The following UBTD2 variants were observed in gnomAD, a reference collection of about 807,000 sequenced individuals.
UBTD2 encodes the protein ubiquitin domain containing 2.
In UBTD2, 9 loss-of-function variants were observed where a neutral mutation model predicts 19.8. The observed-to-expected ratio is 0.46, with a 90% CI of 0.27 to 0.79. UBTD2 has a LOEUF of 0.79. UBTD2 is among the 30% of genes least tolerant of loss of function. UBTD2 has a pLI of 0.14. For missense variants in UBTD2, 250 were observed against 300.4 expected (o/e 0.83, Z 1.24); for synonymous variants, 98 against 103.9 (o/e 0.94, Z 0.35).
At chr5:172,284,024 C>T (rs911315687), upstream of UBTD2, 3 of 149,344 alleles carry the variant, frequency 2.0e-5, no homozygotes, top group African/African-American at 7.3e-5. Context: ...AGCCCCGCGC[C>T]GGCGCCTCGC....
At chr5:172,241,878 G>A (rs2113031862) in intron 1 of UBTD2, among the ~76,000 whole-genome samples, 1 of 152,278 alleles carries the variant, frequency 6.6e-6, no homozygotes, top group South Asian at 2.1e-4. Flanking sequence ...AATTAGCTGG[G>A]TGTAGTTGTA....
In UBTD2 at chr5:172,277,345, T is replaced by C. The variant is rs146336638; in HGVS notation, c.70+6251A>G. ...TATACATCAGTGAAAGGTTACTTTA[T>C]ATTTAAAACTGAAACTAGAAGCACA... On this transcript the variant is annotated intron_variant, in intron 1 of 2. Coordinates refer to ENST00000393792, the MANE Select transcript of UBTD2 (RefSeq NM_152277.3). Among the ~76,000 whole-genome samples, 219 of 152,236 alleles carry C rather than the reference T, an allele frequency of 1.4e-3. 2 individuals carry two copies. The Middle Eastern group carries it at 0.031, about 21-fold the overall frequency.
At chr5:172,220,417 C>T (rs1191592414) in intron 2 of UBTD2, among the ~76,000 whole-genome samples, 7 of 152,162 alleles carry the variant, frequency 4.6e-5, no homozygotes, top group African/African-American at 7.2e-5. Context: ...GGGTGGATCC[C>T]CTGAGGTGGG....
intron 1 of UBTD2, among the ~76,000 whole-genome samples, chr5:172,249,401 GAAAAAAAAAAAAA>G (rs756803780): frequency 2.4e-4 from 15 of 63,304 alleles, no homozygotes; most frequent in African/African-American, 7.7e-4. Flanking sequence ...TCCGTCTCAT[GAAAAAAAAAAAAA>G]AAAAAAAAAA....
intron 1 of UBTD2, among the ~76,000 whole-genome samples, chr5:172,242,899 G>A (rs1220590860): frequency 6.6e-6 from 1 of 152,096 alleles, no homozygotes; most frequent in African/African-American, 2.4e-5. Flanking sequence ...TCCCTTTTTA[G>A]TAGTAGTAAG....
intron 1 of UBTD2, among the ~76,000 whole-genome samples, chr5:172,265,128 G>T (rs1490229749): frequency 6.6e-6 from 1 of 152,164 alleles, no homozygotes; most frequent in Non-Finnish European, 1.5e-5. Flanking sequence ...TGCTAAGGAT[G>T]ACAGAATAAA....
At chr5:172,265,067 T>C (rs1755347632) in intron 1 of UBTD2, among the ~76,000 whole-genome samples, 1 of 152,240 alleles carries the variant, frequency 6.6e-6, no homozygotes, top group Admixed American at 6.5e-5. Flanking sequence ...AGGCTATACA[T>C]GCAATTAATA....
At chr5:172,259,851 C>T (rs1464826653) in intron 1 of UBTD2, among the ~76,000 whole-genome samples, 3 of 151,934 alleles carry the variant, frequency 2.0e-5, no homozygotes, top group South Asian at 2.1e-4. Context: ...GTCAGGAGTT[C>T]GATACCAGCC....
chr5:172,263,160 A>G (rs1398821741), intron 1 of UBTD2, among the ~76,000 whole-genome samples: 5 of 152,024 alleles, frequency 3.3e-5, no homozygotes, highest in African/African-American at 1.2e-4. Context: ...TGAACTCCTG[A>G]GCTCAAGCAA....
chr5:172,216,835 G>A (rs1203066826), intron 2 of UBTD2, among the ~76,000 whole-genome samples: 1 of 151,868 alleles, frequency 6.6e-6, no homozygotes, highest in Non-Finnish European at 1.5e-5. Context: ...GTGTGGTGGT[G>A]TGTGCCTGTA....
Position 172,229,221 on chromosome 5 carries a change from C to T in UBTD2, c.307+4901G>A, listed in dbSNP as rs561774322. On this transcript the variant is annotated intron_variant, in intron 2 of 2. Coordinates refer to ENST00000393792, the MANE Select transcript of UBTD2 (RefSeq NM_152277.3). ...AGGAGGTTAAGAGGAGAGCTTTTGGCCGGGCGCGGTGGCTCACGCCTGTAA... is the reference window on the plus strand; with the variant it reads ...AGGAGGTTAAGAGGAGAGCTTTTGGTCGGGCGCGGTGGCTCACGCCTGTAA... Among the ~76,000 whole-genome samples the T allele has an allele frequency of 5.3e-5, 8 of 151,734 alleles. No individual in the cohort carries two copies. In the South Asian group the frequency reaches 1.5e-3, roughly 28 times the overall value.
chr5:172,215,001 G>A (rs1439368048), intron 2 of UBTD2, among the ~76,000 whole-genome samples: 1 of 152,170 alleles, frequency 6.6e-6, no homozygotes, highest in Non-Finnish European at 1.5e-5. Flanking sequence ...GAGACAGGCA[G>A]GGTAATACAG....
At chr5:172,229,776 G>T (rs1232908770) in intron 2 of UBTD2, among the ~76,000 whole-genome samples, 1 of 152,044 alleles carries the variant, frequency 6.6e-6, no homozygotes, top group East Asian at 1.9e-4. Context: ...TCACTGAAAA[G>T]TACTGAATAG....
rs57657254 is a variant in UBTD2, at chr5:172,216,591, CAAAAAAAAAAAAA to C, written c.308-4377_308-4365del. On this transcript the variant is annotated intron_variant, in intron 2 of 2. Coordinates refer to ENST00000393792, the MANE Select transcript of UBTD2 (RefSeq NM_152277.3). ...AACATAGGGAAACCCCATCTCTACC[CAAAAAAAAAAAAA>C]AAAAAAAAAAAAAAAGCCAGAGGGG... is the stretch of plus-strand genomic sequence containing the variant. Among the ~76,000 whole-genome samples the C allele has an allele frequency of 0.012, 444 of 36,958 alleles. 21 individuals carry two copies. The East Asian group carries it at 0.22, about 19-fold the overall frequency. 24.2% of individuals were successfully genotyped at this position (36,958 alleles called of 152,430 possible).
At chr5:172,246,001 G>C (rs988703963) in intron 1 of UBTD2, among the ~76,000 whole-genome samples, 2 of 152,140 alleles carry the variant, frequency 1.3e-5, no homozygotes, top group African/African-American at 4.8e-5. Flanking sequence ...AACACACAAA[G>C]AGCCAGAAAT....
At chr5:172,254,222 C>G (rs1477263014) in intron 1 of UBTD2, among the ~76,000 whole-genome samples, 1 of 152,146 alleles carries the variant, frequency 6.6e-6, no homozygotes, top group Non-Finnish European at 1.5e-5. Flanking sequence ...GCCTCAGCCT[C>G]CCAAGTAGCT....
At chr5:172,260,046 C>T (rs1755233967) in intron 1 of UBTD2, among the ~76,000 whole-genome samples, 1 of 152,014 alleles carries the variant, frequency 6.6e-6, no homozygotes, top group Non-Finnish European at 1.5e-5. Flanking sequence ...GAGTAAAACT[C>T]TGTCCGCCCC....
intron 2 of UBTD2, among the ~76,000 whole-genome samples, chr5:172,223,243 T>C (rs539472946): frequency 3.9e-5 from 6 of 152,174 alleles, no homozygotes; most frequent in South Asian, 2.1e-4. Flanking sequence ...CTAAAGCAGA[T>C]TGGGAAAAGT....
intron 2 of UBTD2, among the ~76,000 whole-genome samples, chr5:172,215,451 C>A (rs1771523076): frequency 6.6e-6 from 1 of 152,188 alleles, no homozygotes; most frequent in Non-Finnish European, 1.5e-5. Flanking sequence ...TGGTCCAGTT[C>A]ATGATCCAGA....
Sources: gnomAD v4.1 joint callset for allele counts (sites outside exome capture counted in the v4.1 genomes callset) on GRCh38, gnomAD v4.1.1 for gene constraint, MANE v1.5 for transcripts, NCBI Gene and HGNC (gene_info 2026-07-23, HGNC 2026-07-21) for gene names.